The following SNAP47 variants were observed in gnomAD, a reference collection of about 807,000 sequenced individuals.
SNAP47 encodes the protein synaptosome associated protein 47.
In SNAP47, 20 loss-of-function variants were observed where a neutral mutation model predicts 31.4. The ratio of observed to expected loss-of-function variants is 0.64; its 90% CI spans 0.45 to 0.93. The LOEUF (loss-of-function observed/expected upper bound fraction) is 0.93. Among genes scored for constraint, SNAP47 ranks in the 40% least tolerant of loss-of-function variants. The pLI, the probability that SNAP47 is intolerant of heterozygous loss-of-function variation, is 0.00. For missense variants in SNAP47, 492 were observed against 528.5 expected (o/e 0.93, Z 0.68); for synonymous variants, 194 against 213.4 (o/e 0.91, Z 0.79).
chr1:227,755,589 G>A (rs1017540940), intron 2 of SNAP47, among the ~76,000 whole-genome samples: 4 of 152,140 alleles, frequency 2.6e-5, no homozygotes, highest in Admixed American at 2.6e-4. Flanking sequence ...GTTTTGCCAT[G>A]TTGGCCGGGC....
At chr1:227,768,749 C>T (rs916168244) in intron 4 of SNAP47, among the ~76,000 whole-genome samples, 6 of 152,326 alleles carry the variant, frequency 3.9e-5, no homozygotes, top group African/African-American at 9.6e-5. Context: ...CTCGTTTGCT[C>T]AGGGTTTTTG....
At position 227,745,091 on chromosome 1, in the gene SNAP47, A is replaced by G. The variant is rs193084223; in HGVS notation, c.-45-2601A>G. Among the ~76,000 whole-genome samples the G allele has an allele frequency of 2.0e-5, 3 of 152,342 alleles. No individual in the cohort carries two copies. In the East Asian group the frequency reaches 5.8e-4, roughly 29 times the overall value. On this transcript the variant is annotated intron_variant, in intron 1 of 4. Coordinates refer to ENST00000617596, the MANE Select transcript of SNAP47 (RefSeq NM_053052.4). ...GGCAGTGGTTTCAAATGCTCTTGGA[A>G]TTGTAGCACCCAGCTGAAATTTAGT... is the stretch of plus-strand genomic sequence containing the variant.
intron 2 of SNAP47, among the ~76,000 whole-genome samples, chr1:227,751,092 C>T (rs1034236353): frequency 5.9e-5 from 9 of 152,216 alleles, no homozygotes; most frequent in Admixed American, 3.9e-4. Context: ...AAGAGTTCCA[C>T]CCACAGTGCC....
chr1:227,776,449 G>A (rs1487953470), intron 4 of SNAP47: 2 of 985,984 alleles, frequency 2.0e-6, no homozygotes, highest in East Asian at 1.1e-4. Context: ...ACTCAAGGAA[G>A]TCTGATTTGC....
At chr1:227,733,218 C>G (rs1232277837), upstream of SNAP47, 5 of 854,810 alleles carry the variant, frequency 5.8e-6, no homozygotes, top group Admixed American at 1.2e-4. Context: ...CACAGTGAAC[C>G]CAGAGCAAGT....
chr1:227,742,224 C>T (rs1661656625), intron 1 of SNAP47, among the ~76,000 whole-genome samples: 1 of 151,982 alleles, frequency 6.6e-6, no homozygotes, highest in Admixed American at 6.6e-5. Flanking sequence ...TGTTCTCCTT[C>T]CTGTGTCCAT....
intron 2 of SNAP47, among the ~76,000 whole-genome samples, chr1:227,758,055 C>T (rs1662801943): frequency 6.6e-6 from 1 of 152,160 alleles, no homozygotes. Flanking sequence ...CTGGATCTGC[C>T]CCAAGGGAAG....
chr1:227,730,359 A>C (rs537729451), upstream of SNAP47: 1 of 152,208 alleles, frequency 6.6e-6, no homozygotes, highest in Admixed American at 6.5e-5. Flanking sequence ...CTGACACTTC[A>C]AACTGCTGTC....
rs1280080026 is a variant in SNAP47 at position 227,759,160 on chromosome 1, A to G, written c.663A>G (p.Thr221=). ...IKIPAVISHR[T]ESHVKPGRLT... ...TTCCTGCTGTTATTTCCCACAGAAC[A>G]GAGTCTCACGTTAAACCAGGGAGGC... Residue 221 remains threonine, a synonymous_variant, in exon 3 of 5, where the codon ACA becomes ACG. Transcript: ENST00000617596. 1 of 1,614,198 alleles carries G rather than the reference A, an allele frequency of 6.2e-7. No individual in the cohort carries two copies. Among genetic ancestry groups the G allele is most frequent in the East Asian group, 2.2e-5 (1 of 44,886 alleles).
chr1:227,734,201 G>A (rs1660893249), upstream of SNAP47: 2 of 712,054 alleles, frequency 2.8e-6, no homozygotes, highest in East Asian at 5.4e-5. Context: ...GGCGGGGGAG[G>A]GGGCGGGGCA....
intron 4 of SNAP47, chr1:227,770,776 TC>T (rs1281380892): frequency 6.5e-6 from 1 of 152,902 alleles, no homozygotes; most frequent in African/African-American, 2.4e-5. Flanking sequence ...GAAATAAGGG[TC>T]TTAATCAGTG....
At chr1:227,747,634 T>C (rs1454115039) in intron 1 of SNAP47, 58 bp from the exon 2 acceptor site, 10 of 1,513,726 alleles carry the variant, frequency 6.6e-6, no homozygotes, top group African/African-American at 1.4e-5. Context: ...CCTTGTGGGG[T>C]TGCTTGTGTC....
intron 1 of SNAP47, chr1:227,746,053 C>T (rs1450316776): frequency 6.6e-6 from 1 of 152,278 alleles, no homozygotes; most frequent in Non-Finnish European, 1.5e-5. Context: ...TCAAGGCTGC[C>T]ACCTCAGCCA....
chr1:227,730,344 C>G (rs768810233), upstream of SNAP47: 5 of 152,358 alleles, frequency 3.3e-5, no homozygotes, highest in South Asian at 2.1e-4. Flanking sequence ...AAAGGGGCAT[C>G]CTGCCTGACA....
intron 1 of SNAP47, 104 bp from the exon 2 acceptor site, chr1:227,747,588 G>C: frequency 1.7e-6 from 2 of 1,190,984 alleles, no homozygotes; most frequent in Non-Finnish European, 2.4e-6. Context: ...ACGTGCTGCA[G>C]CCTGTGTGAG....
intron 4 of SNAP47, 117 bp downstream of exon 4, chr1:227,767,200 C>T: frequency 6.9e-7 from 1 of 1,445,356 alleles, no homozygotes; most frequent in Non-Finnish European, 9.3e-7. Context: ...ATTGGCCTCG[C>T]ACCAAGGAGG....
chr1:227,780,399 C>G lies in SNAP47; in HGVS notation c.1114-128C>G. The G allele has an allele frequency of 1.5e-6, 2 of 1,360,578 alleles. 1 individual carries two copies. The highest frequency in any genetic ancestry group is 2.9e-5 in the African/African-American group (2 of 69,926). The allele number at this position is 1,360,578 out of a possible 1,614,324, so 84.3% of individuals were successfully genotyped here. A position where few individuals can be genotyped will look rare whatever the true frequency, so the allele number is the denominator to read the frequency against. On this transcript the variant is annotated intron_variant, in intron 4 of 4. Coordinates refer to ENST00000617596, the MANE Select transcript of SNAP47 (RefSeq NM_053052.4). ...GTGCTGGGCTGCCGGCTCCCTCCTG[C>G]TGGCTCGCAGATGGCATCACCCAGG...
intron 3 of SNAP47, 109 bp from the exon 4 acceptor site, chr1:227,766,850 T>C: frequency 6.8e-7 from 1 of 1,478,312 alleles, no homozygotes; most frequent in Non-Finnish European, 9.2e-7. Context: ...GTCCTGCGTG[T>C]GGTGGCGGGA....
chr1:227,758,579 G>A (rs1185050167), intron 2 of SNAP47, among the ~76,000 whole-genome samples: 3 of 152,190 alleles, frequency 2.0e-5, no homozygotes, highest in South Asian at 2.1e-4. Context: ...CAGTTGTCAC[G>A]TGTGCCTGCT....
Sources: allele counts gnomAD v4.1 joint callset (sites outside exome capture counted in the v4.1 genomes callset), GRCh38; gene constraint gnomAD v4.1.1; transcripts MANE v1.5; gene names NCBI Gene and HGNC (gene_info 2026-07-23, HGNC 2026-07-21).